The following ASB1 variants were observed in gnomAD, a reference collection of about 807,000 sequenced individuals.
The protein encoded by ASB1 is ankyrin repeat and SOCS box containing 1.
ASB1 carries 18 observed loss-of-function variants against 27.7 expected under a neutral mutation model. The ratio of observed to expected loss-of-function variants is 0.65; its 90% CI spans 0.45 to 0.96. The LOEUF (loss-of-function observed/expected upper bound fraction) is 0.96. Ranked by LOEUF, ASB1 falls within the 50% of genes least tolerant of loss-of-function variation. The probability of loss-of-function intolerance (pLI) is 0.00; values close to 1 mark genes in which losing one functional copy is unlikely to be tolerated. For synonymous variants in ASB1, 189 were observed against 187.6 expected, an observed-to-expected ratio of 1.01 and a Z score of -0.06; for missense variants, 397 against 451.7, an observed-to-expected ratio of 0.88 and a Z score of 1.10.
chr2:238,432,175 A>C (rs942547894), intron 1 of ASB1, among the ~76,000 whole-genome samples: 1 of 152,178 alleles, frequency 6.6e-6, no homozygotes, highest in Admixed American at 6.5e-5. Flanking sequence ...TCTGTTACCT[A>C]GTAGGGTAGG....
intron 4 of ASB1, among the ~76,000 whole-genome samples, chr2:238,445,065 A>G (rs1003846471): frequency 2.1e-5 from 3 of 141,520 alleles, no homozygotes; most frequent in East Asian, 4.1e-4. Context: ...CCCTGTAGCC[A>G]TGACCTCCTG....
At chr2:238,428,424 G>A (rs996756942) in intron 1 of ASB1, among the ~76,000 whole-genome samples, 4 of 152,148 alleles carry the variant, frequency 2.6e-5, no homozygotes, top group Admixed American at 2.6e-4. Context: ...CCTAGTAGCT[G>A]GGATTACAGG....
At chr2:238,432,132 TG>T (rs1051101689) in intron 1 of ASB1, among the ~76,000 whole-genome samples, 6 of 152,208 alleles carry the variant, frequency 3.9e-5, no homozygotes, top group African/African-American at 1.4e-4. Context: ...GGGCAGCTGA[TG>T]GTTTGATTTT....
In ASB1 at chr2:238,435,773, C is replaced by T. The variant is rs762122703; in HGVS notation, c.254C>T (p.Ala85Val). 2.4e-5 allele frequency: 39 copies of T among 1,613,982 alleles called. No individual in the cohort carries two copies. Among genetic ancestry groups the T allele is most frequent in the Non-Finnish European group, 3.1e-5 (37 of 1,180,022 alleles). The stretch of plus-strand genomic sequence containing the variant: ...CTCCCCTGCACACCGTTGCGAATCG[C>T]GGCCACTGCAGGCCATGGGAGCTGT... ...GWLPCTPLRI[A>V]ATAGHGSCVD... Residue 85 changes from alanine (A) to valine (V), a missense_variant, in exon 3 of 5, where the codon GCG becomes GTG. Physicochemically the swap from Ala to Val is moderately conservative, Grantham distance 64. Coordinates refer to ENST00000264607, the MANE Select transcript of ASB1 (RefSeq NM_001040445.3).
At chr2:238,427,338 A>G in intron 1 of ASB1, 1 of 377,844 alleles carries the variant, frequency 2.6e-6, no homozygotes, top group Non-Finnish European at 4.7e-6. Context: ...CCTCGAGTGC[A>G]GTCCCCGCGC....
intron 3 of ASB1, among the ~76,000 whole-genome samples, chr2:238,441,612 T>C (rs1378996293): frequency 6.6e-6 from 1 of 152,148 alleles, no homozygotes; most frequent in African/African-American, 2.4e-5. Flanking sequence ...TCCCTCCCTC[T>C]TCCTGTGCTC....
At chr2:238,445,972 G>C (rs1702171907) in intron 4 of ASB1, among the ~76,000 whole-genome samples, 2 of 152,240 alleles carry the variant, frequency 1.3e-5, no homozygotes, top group African/African-American at 4.8e-5. Context: ...CTCAGCCTGT[G>C]TTCCCCAGGC....
chr2:238,438,657 G>A (rs1702020239), intron 3 of ASB1, among the ~76,000 whole-genome samples: 1 of 152,258 alleles, frequency 6.6e-6, no homozygotes, highest in East Asian at 1.9e-4. Flanking sequence ...GGATAGTAGA[G>A]TGATACGGTT....
rs567576807 is a variant in ASB1 at position 238,428,953 on chromosome 2, C to T, written c.49+1834C>T. On this transcript the variant is annotated intron_variant, in intron 1 of 4. Coordinates refer to ENST00000264607, the MANE Select transcript of ASB1 (RefSeq NM_001040445.3). ...TTGAACTTTTTCACTCTGTAGTAAC[C>T]GCAACTGTGGAGTAATTACAGGGGA... 5.9e-5 allele frequency among the ~76,000 whole-genome samples: 9 copies of T among 152,198 alleles called. No homozygotes were observed. The South Asian group carries it at 1.7e-3, about 28-fold the overall frequency.
At chr2:238,430,438 A>G (rs1320531292) in intron 1 of ASB1, among the ~76,000 whole-genome samples, 3 of 152,310 alleles carry the variant, frequency 2.0e-5, no homozygotes, top group Admixed American at 1.3e-4. Context: ...TTCAGGCTGT[A>G]ATTCTAGTTC....
intron 3 of ASB1, among the ~76,000 whole-genome samples, chr2:238,439,293 G>A (rs758998536): frequency 6.6e-6 from 1 of 152,122 alleles, no homozygotes; most frequent in Non-Finnish European, 1.5e-5. Flanking sequence ...TGGAGAGTGG[G>A]TGGTGTTTGT....
chr2:238,427,250 C>T (rs1701775586), intron 1 of ASB1, 131 bp downstream of exon 1: 3 of 624,122 alleles, frequency 4.8e-6, no homozygotes, highest in Non-Finnish European at 6.9e-6. Flanking sequence ...GGAGCCGCAC[C>T]CTGCAGGCCG....
At chr2:238,438,886 A>G (rs957627345) in intron 3 of ASB1, among the ~76,000 whole-genome samples, 1 of 152,332 alleles carries the variant, frequency 6.6e-6, no homozygotes, top group East Asian at 1.9e-4. Context: ...ATATTGATTT[A>G]TTGAGTTCTC....
At position 238,433,702 on chromosome 2, in the gene ASB1, G is replaced by A. The variant is rs773998033; in HGVS notation, c.191+7G>A. 9.9e-6 allele frequency: 16 copies of A among 1,613,544 alleles called. No homozygotes were observed. Among genetic ancestry groups the A allele is most frequent in the African/African-American group, 6.7e-5 (5 of 74,932 alleles). ...AAGAGGAGAGCTACCGGAGGTGAGC[G>A]GCGCTGCCCAGGGCTGGTCCGGGTA... On this transcript the variant is annotated splice_region_variant and intron_variant, in intron 2 of 4. Coordinates refer to ENST00000264607, the MANE Select transcript of ASB1 (RefSeq NM_001040445.3).
intron 3 of ASB1, among the ~76,000 whole-genome samples, chr2:238,438,173 G>A (rs949068676): frequency 1.4e-5 from 2 of 147,272 alleles, no homozygotes; most frequent in African/African-American, 5.0e-5. Context: ...CAGGCTGCCC[G>A]AGAAGTACAT....
At chr2:238,442,740 A>G (rs1030413392) in intron 3 of ASB1, among the ~76,000 whole-genome samples, 1 of 152,196 alleles carries the variant, frequency 6.6e-6, no homozygotes, top group African/African-American at 2.4e-5. Context: ...GTGAATGGAT[A>G]TACTTTTACC....
In ASB1 at chr2:238,438,199, A is replaced by ATTTTTTTTTTTTTT. The variant is rs57391955; in HGVS notation, c.494+2191_494+2204dup. Among the ~76,000 whole-genome samples, 32 of 98,206 alleles carry ATTTTTTTTTTTTTT rather than the reference A, an allele frequency of 3.3e-4. 2 individuals carry two copies. The highest frequency in any genetic ancestry group is 5.1e-4 in the Non-Finnish European group (27 of 53,262). The allele number at this position is 98,206 out of a possible 152,430, so 64.4% of individuals were successfully genotyped here. On this transcript the variant is annotated intron_variant, in intron 3 of 4. Transcript: ENST00000264607. ...AGAAGTACATATACAGATGCCCTTC[A>ATTTTTTTTTTTTTT]TTTTTTTTTTTTTTTTTTGAGACGG... is the stretch of plus-strand genomic sequence containing the variant.
intron 3 of ASB1, among the ~76,000 whole-genome samples, chr2:238,436,400 G>A (rs1701971865): frequency 6.6e-6 from 1 of 152,008 alleles, no homozygotes; most frequent in East Asian, 1.9e-4. Flanking sequence ...TGGAAGATAA[G>A]GTTTTAATAA....
chr2:238,445,916 C>T (rs1702170900), intron 4 of ASB1, among the ~76,000 whole-genome samples: 1 of 152,232 alleles, frequency 6.6e-6, no homozygotes, highest in East Asian at 1.9e-4. Context: ...TGGCTGCGCT[C>T]TTTTCATTGG....
Sources: gnomAD v4.1 joint callset for allele counts (sites outside exome capture counted in the v4.1 genomes callset) on GRCh38, gnomAD v4.1.1 for gene constraint, MANE v1.5 for transcripts, NCBI Gene and HGNC (gene_info 2026-07-23, HGNC 2026-07-21) for gene names.